Variants in DMAP1 observed in about 807,000 individuals in gnomAD.
DMAP1 encodes the protein DNA methyltransferase 1-associated protein 1.
Under a neutral mutation model 52.7 loss-of-function variants are expected in DMAP1, and 26 were observed. The observed-to-expected ratio is 0.49, with a 90% CI of 0.36 to 0.68. DMAP1 has a LOEUF of 0.68. DMAP1 is among the 30% of genes least tolerant of loss of function. DMAP1 has a pLI of 0.00. For missense variants in DMAP1, 439 were observed against 625.2 expected (o/e 0.70, Z 3.18); for synonymous variants, 231 against 246.0 (o/e 0.94, Z 0.57).
At position 44,214,908 on chromosome 1, in the gene DMAP1, C is replaced by T. The variant is rs1433420863; in HGVS notation, c.393+10C>T. The T allele has an allele frequency of 2.5e-6, 4 of 1,614,062 alleles. No homozygotes were observed. In the East Asian group the frequency reaches 8.9e-5, roughly 36 times the overall value. ...TGCCAGGTTCAATAAGGTAAGCTAC[C>T]TTCATTCGGACACAGGCCAAGATTG... On this transcript the variant is annotated intron_variant, in intron 3 of 9. Transcript: ENST00000372289.
chr1:44,213,994 A>G lies in DMAP1; in HGVS notation c.105+136A>G. 2 of 814,204 alleles carry G rather than the reference A, an allele frequency of 2.5e-6. No individual in the cohort carries two copies. Among genetic ancestry groups the G allele is most frequent in the Non-Finnish European group, 4.0e-6 (2 of 500,864 alleles). 50.4% of individuals were successfully genotyped at this position (814,204 alleles called of 1,614,324 possible). A position where few individuals can be genotyped will look rare whatever the true frequency, so the allele number is the denominator to read the frequency against. On this transcript the variant is annotated intron_variant, in intron 1 of 9. Coordinates refer to ENST00000372289, the MANE Select transcript of DMAP1 (RefSeq NM_019100.5). This position sits in a 1 kb window ranked among gnomAD's most constrained non-coding sequence, Gnocchi z 4.5. ...AAAGGGGTGACATAACAGGACAGGG[A>G]ATATGTGTCATCCTTGATGGGAGGG...
rs919828221 is a variant in DMAP1, at chr1:44,218,716, G to A, written c.681G>A (p.Lys227=). The stretch of plus-strand genomic sequence containing the variant: ...ATGCTGGGCACGAACGACGGCGGAA[G>A]GAACAGCTTGAGCGTCTCTACAACC... ...VFDAGHERRR[K]EQLERLYNRT... is the part of the protein sequence containing the mutation. The change falls in exon 5 of 10, where the codon AAG becomes AAA. Residue 227 remains lysine (K), a synonymous_variant. Coordinates refer to ENST00000372289, the MANE Select transcript of DMAP1 (RefSeq NM_019100.5). This position sits in a 1 kb window ranked among gnomAD's most constrained non-coding sequence, Gnocchi z 5.6. 6.2e-7 allele frequency: 1 copy of A among 1,613,340 alleles called. No homozygotes were observed. The highest frequency in any genetic ancestry group is 1.7e-5 in the Admixed American group (1 of 59,966).
Position 44,220,455 on chromosome 1 carries a change from T to C in DMAP1, c.1345-104T>C, listed in dbSNP as rs567942802. The C allele has an allele frequency of 1.3e-4, 204 of 1,599,896 alleles. 1 individual carries two copies. The African/African-American group carries it at 2.4e-3, about 19-fold the overall frequency. ...GTCTGAGACTGAGGGTAGGAGTGGGTTGACCAGTGGGCGTCCTTGTCCCTG... is the reference window on the plus strand; with the variant it reads ...GTCTGAGACTGAGGGTAGGAGTGGGCTGACCAGTGGGCGTCCTTGTCCCTG... On this transcript the variant is annotated intron_variant, in intron 9 of 9. Coordinates refer to ENST00000372289, the MANE Select transcript of DMAP1 (RefSeq NM_019100.5).
rs746513750 is a variant in DMAP1, at chr1:44,219,492, T to C, written c.978+15T>C. ...GGAGCCAACGGGTACGTGAGTCACC[T>C]CCTTTAGCAAGTTTGGGTCCTGGGC... On this transcript the variant is annotated intron_variant, in intron 7 of 9. Coordinates refer to ENST00000372289, the MANE Select transcript of DMAP1 (RefSeq NM_019100.5). The C allele has an allele frequency of 4.5e-6, 7 of 1,557,716 alleles. No individual in the cohort carries two copies. The East Asian group carries it at 1.6e-4, about 35-fold the overall frequency.
rs766424456 is a variant in DMAP1, at chr1:44,213,838, G to A, written c.85G>A (p.Asp29Asn). 2.1e-5 allele frequency: 33 copies of A among 1,590,718 alleles called. No homozygotes were observed. The highest frequency in any genetic ancestry group is 1.0e-4 in the South Asian group (9 of 86,996). The change falls in exon 1 of 10, where the codon GAC becomes AAC. Residue 29 changes from aspartate to asparagine, a missense_variant. Asp to Asn is a conservative substitution (Grantham distance 23). Coordinates refer to ENST00000372289, the MANE Select transcript of DMAP1 (RefSeq NM_019100.5). The surrounding 1 kb of genome is among the most constrained non-coding windows in gnomAD (Gnocchi z 4.5). Reference sequence around the variant, plus strand: ...AGCCTCTGGGACCATCAGCAAGAAGGACATTATCAACCCGGACAAGGTAGC... The same window carrying A: ...AGCCTCTGGGACCATCAGCAAGAAGAACATTATCAACCCGGACAAGGTAGC... ...DAASGTISKKDIINPDKKKSK... is the reference protein window; with the variant it reads ...DAASGTISKKNIINPDKKKSK...
rs780318980 is a variant in DMAP1, at chr1:44,214,843, A to G, written c.338A>G (p.His113Arg). 2.6e-5 allele frequency: 42 copies of G among 1,614,062 alleles called. No homozygotes were observed. Among genetic ancestry groups the G allele is most frequent in the Non-Finnish European group, 3.5e-5 (41 of 1,180,034 alleles). ...CGCAAGGACGGAGCAATGTTCTTCCACTGGCGACGTGCAGCGGAGGAGGGC... is the reference window on the plus strand; with the variant it reads ...CGCAAGGACGGAGCAATGTTCTTCCGCTGGCGACGTGCAGCGGAGGAGGGC... ...PARKDGAMFFHWRRAAEEGKD... is the reference protein window; with the variant it reads ...PARKDGAMFFRWRRAAEEGKD... The change falls in exon 3 of 10, where the codon CAC becomes CGC. Residue 113 changes from histidine to arginine, a missense_variant. Coordinates refer to ENST00000372289, the MANE Select transcript of DMAP1 (RefSeq NM_019100.5).
chr1:44,215,562 C>T (rs958028686), intron 3 of DMAP1: 8 of 329,314 alleles, frequency 2.4e-5, no homozygotes, highest in Non-Finnish European at 4.8e-5. Flanking sequence ...TAAGAGCCGT[C>T]AGTAACACGA....
rs1418342290 is a variant in DMAP1 at position 44,219,947 on chromosome 1, AG to A, written c.1052-66del. On this transcript the variant is annotated intron_variant, in intron 8 of 9. Coordinates refer to ENST00000372289, the MANE Select transcript of DMAP1 (RefSeq NM_019100.5). ...CTGTGGATATAGGTTGGGCAGGGGG[AG>A]GGGAGTTCACATTGCTGGCCCTCTA... 33 of 1,609,266 alleles carry A rather than the reference AG, an allele frequency of 2.1e-5. No individual in the cohort carries two copies. The East Asian group carries it at 7.1e-4, about 35-fold the overall frequency.
chr1:44,216,777 A>C (rs1456492807), intron 3 of DMAP1: 1 of 152,300 alleles, frequency 6.6e-6, no homozygotes, highest in East Asian at 1.9e-4. Flanking sequence ...TTTAGGGTTC[A>C]TGAGGGACAG....
Position 44,219,054 on chromosome 1 carries a change from A to G in DMAP1, c.721-2A>G, listed in dbSNP as rs762471580. The G allele has an allele frequency of 1.6e-5, 26 of 1,613,666 alleles. No homozygotes were observed. The highest frequency in any genetic ancestry group is 2.7e-5 in the African/African-American group (2 of 74,880). On this transcript the variant is annotated splice_acceptor_variant, in intron 5 of 9. Coordinates refer to ENST00000372289, the MANE Select transcript of DMAP1 (RefSeq NM_019100.5). LOFTEE classifies it high-confidence loss of function. ...CACACTTCGCATCCCTCACTTTCCC[A>G]GGTGGCAGAGGAGGAGTACCTGCTA...
At chr1:44,215,944 A>ATCCTAAAAGCCTCATTTACC (rs1643783857) in intron 3 of DMAP1, 1 of 152,604 alleles carries the variant, frequency 6.6e-6, no homozygotes, top group African/African-American at 2.4e-5. Flanking sequence ...CTAGACTTAG[A>ATCCTAAAAGCCTCATTTACC]TCCTAAAAGC....
At position 44,220,054 on chromosome 1, in the gene DMAP1, G is replaced by A. The variant is rs759314123; in HGVS notation, c.1089G>A (p.Met363Ile). Residue 363 changes from methionine (M) to isoleucine (I), a missense_variant, in exon 9 of 10, where the codon ATG becomes ATA. By Grantham distance (10) the Met-to-Ile change is conservative. Coordinates refer to ENST00000372289, the MANE Select transcript of DMAP1 (RefSeq NM_019100.5). ...CACCTACGGAGGAGCTGGTGCACAT[G>A]TTCAATGAGCTGCGAAGCGACCTGG... ...SPTPTEELVH[M>I]FNELRSDLVL... The A allele has an allele frequency of 2.5e-6, 4 of 1,605,154 alleles. No individual in the cohort carries two copies. The highest frequency in any genetic ancestry group is 1.1e-5 in the South Asian group (1 of 90,520).
At chr1:44,217,980 C>A in intron 3 of DMAP1, 1 of 429,188 alleles carries the variant, frequency 2.3e-6, no homozygotes, top group Non-Finnish European at 4.4e-6. Flanking sequence ...AGCCATCTGT[C>A]CTACTCCAGA....
intron 9 of DMAP1, 36 bp downstream of exon 9, chr1:44,220,345 C>T (rs1233728414): frequency 2.6e-6 from 4 of 1,525,564 alleles, no homozygotes; most frequent in Middle Eastern, 1.8e-4. Context: ...CACGCCTGGG[C>T]CCTGCGAGTG....
chr1:44,215,517 C>A, intron 3 of DMAP1: 1 of 337,900 alleles, frequency 3.0e-6, no homozygotes, highest in East Asian at 7.7e-5. Flanking sequence ...AAACAAACAA[C>A]AAACATGTAA....
chr1:44,214,467 C>T (rs181586400), intron 2 of DMAP1, 26 bp downstream of exon 2: 2 of 1,613,616 alleles, frequency 1.2e-6, no homozygotes, highest in African/African-American at 1.3e-5. Context: ...CCAAGTCCCC[C>T]AGGTTTTGGC....
chr1:44,218,804 C>A lies in DMAP1; in HGVS notation c.720+49C>A. Reference sequence around the variant, plus strand: ...TCCTCCATGCCCCAAACCCCTTGCTCATTGTCTCCATCCTCCATCCCCTCA... The same window carrying A: ...TCCTCCATGCCCCAAACCCCTTGCTAATTGTCTCCATCCTCCATCCCCTCA... On this transcript the variant is annotated intron_variant, in intron 5 of 9. Coordinates refer to ENST00000372289, the MANE Select transcript of DMAP1 (RefSeq NM_019100.5). This position sits in a 1 kb window ranked among gnomAD's most constrained non-coding sequence, Gnocchi z 5.6. The A allele has an allele frequency of 6.4e-7, 1 of 1,553,562 alleles. No individual in the cohort carries two copies. The highest frequency in any genetic ancestry group is 1.2e-5 in the South Asian group (1 of 81,714).
In DMAP1 at chr1:44,213,523, C is replaced by G; in HGVS notation, c.-231C>G. 2.1e-6 allele frequency: 1 copy of G among 484,436 alleles called. No individual in the cohort carries two copies. Among genetic ancestry groups the G allele is most frequent in the African/African-American group, 2.0e-5 (1 of 50,020 alleles). 30.0% of individuals were successfully genotyped at this position (484,436 alleles called of 1,614,324 possible). On this transcript the variant is annotated 5_prime_UTR_variant, in exon 1 of 10. Transcript: ENST00000372289. This position sits in a 1 kb window ranked among gnomAD's most constrained non-coding sequence, Gnocchi z 4.5. ...GGTAGTGGGGGCTGCAGCTGCCGGACCCAGGTGCGGAAGTGCGAGGGCCCA... is the reference window on the plus strand; with the variant it reads ...GGTAGTGGGGGCTGCAGCTGCCGGAGCCAGGTGCGGAAGTGCGAGGGCCCA...
rs567616646 is a variant in DMAP1, at chr1:44,219,401, C to G, written c.907-5C>G. On this transcript the variant is annotated splice_polypyrimidine_tract_variant and splice_region_variant and intron_variant, in intron 6 of 9. Transcript: ENST00000372289. ...CCTTGGTCTCCATAATGCCTTCTCC[C>G]CCAGGCTGTTCCTGAGACTGCAGGC... 550 of 1,579,986 alleles carry G rather than the reference C, an allele frequency of 3.5e-4. 1 individual carries two copies. The highest frequency in any genetic ancestry group is 1.8e-4 in the Non-Finnish European group (210 of 1,166,552).
Sources: allele counts gnomAD v4.1 joint callset, GRCh38; gene constraint gnomAD v4.1.1; non-coding constraint Gnocchi (gnomAD v3.1); transcripts MANE v1.5; gene names NCBI Gene and HGNC (gene_info 2026-07-23, HGNC 2026-07-21).